KIF6: variants seen among roughly 807,000 people sequenced by gnomAD.
The protein encoded by KIF6 is kinesin family member 6.
KIF6 carries 106 observed loss-of-function variants against 112.7 expected under a neutral mutation model. The observed-to-expected ratio is 0.94, with a 90% confidence interval of 0.80 to 1.11. The LOEUF (loss-of-function observed/expected upper bound fraction) is 1.11. KIF6 is among the 50% of genes least tolerant of loss of function. The pLI, the probability that KIF6 is intolerant of heterozygous loss-of-function variation, is 0.00. For synonymous variants in KIF6, 339 were observed against 339.9 expected, an observed-to-expected ratio of 1.00 and a Z score of 0.03; for missense variants, 929 against 964.0, an observed-to-expected ratio of 0.96 and a Z score of 0.48.
chr6:39,474,392 G>T (rs1443596897), intron 13 of KIF6, among the ~76,000 whole-genome samples: 2 of 152,198 alleles, frequency 1.3e-5, no homozygotes, highest in Non-Finnish European at 2.9e-5. Flanking sequence ...CTATTCAGGG[G>T]TTAACATATT....
intron 13 of KIF6, among the ~76,000 whole-genome samples, chr6:39,498,140 A>C (rs1310755099): frequency 6.6e-6 from 1 of 152,108 alleles, no homozygotes; most frequent in Non-Finnish European, 1.5e-5. Context: ...ACAGAGACCA[A>C]AATTTTTCCT....
intron 3 of KIF6, among the ~76,000 whole-genome samples, chr6:39,680,845 T>C (rs1787468579): frequency 6.6e-6 from 1 of 152,070 alleles, no homozygotes; most frequent in Non-Finnish European, 1.5e-5. Flanking sequence ...TTTTATTAGG[T>C]AAAATAGGGA....
chr6:39,590,792 T>G (rs1349842627), intron 7 of KIF6, among the ~76,000 whole-genome samples: 1 of 152,186 alleles, frequency 6.6e-6, no homozygotes, highest in Non-Finnish European at 1.5e-5. Flanking sequence ...TAAACTTGCT[T>G]TTGGTTGCAA....
chr6:39,702,542 A>G (rs868825274), intron 3 of KIF6, among the ~76,000 whole-genome samples: 1 of 152,212 alleles, frequency 6.6e-6, no homozygotes, highest in Non-Finnish European at 1.5e-5. Context: ...ACAACTTAAT[A>G]TCTTTCATTT....
intron 15 of KIF6, among the ~76,000 whole-genome samples, chr6:39,394,584 G>C (rs1177718939): frequency 6.6e-6 from 1 of 152,178 alleles, no homozygotes; most frequent in Non-Finnish European, 1.5e-5. Flanking sequence ...CCAGGGGTGG[G>C]GGCACCTCTG....
At chr6:39,711,031 A>G (rs935324581) in intron 3 of KIF6, among the ~76,000 whole-genome samples, 1 of 151,612 alleles carries the variant, frequency 6.6e-6, no homozygotes, top group African/African-American at 2.4e-5. Flanking sequence ...TGTCTCAAAA[A>G]CTAAAAATTA....
At chr6:39,679,443 C>T (rs1787372116) in intron 3 of KIF6, among the ~76,000 whole-genome samples, 1 of 152,104 alleles carries the variant, frequency 6.6e-6, no homozygotes, top group Non-Finnish European at 1.5e-5. Flanking sequence ...ACAGAGGAGT[C>T]ATCTGTCCAG....
chr6:39,537,501 A>G (rs1333545363), intron 13 of KIF6, among the ~76,000 whole-genome samples: 2 of 151,866 alleles, frequency 1.3e-5, no homozygotes, highest in Non-Finnish European at 2.9e-5. Context: ...TAGGAATCCA[A>G]CTTACAAGGG....
intron 2 of KIF6, among the ~76,000 whole-genome samples, chr6:39,716,027 G>C (rs1053482293): frequency 6.6e-6 from 1 of 152,044 alleles, no homozygotes; most frequent in African/African-American, 2.4e-5. Context: ...TTTATCAGAT[G>C]GGTGATGACT....
intron 6 of KIF6, among the ~76,000 whole-genome samples, chr6:39,609,607 C>T (rs185689169): frequency 1.3e-5 from 2 of 152,230 alleles, no homozygotes; most frequent in East Asian, 3.9e-4. Flanking sequence ...TGAACAAAAA[C>T]AGAAATGCAA....
chr6:39,495,478 T>C (rs1440193419), intron 13 of KIF6, among the ~76,000 whole-genome samples: 1 of 152,142 alleles, frequency 6.6e-6, no homozygotes, highest in African/African-American at 2.4e-5. Context: ...ATTGCCATCT[T>C]AATATGTGGT....
At chr6:39,479,484 G>T (rs1171962974) in intron 13 of KIF6, among the ~76,000 whole-genome samples, 1 of 152,100 alleles carries the variant, frequency 6.6e-6, no homozygotes. Context: ...GTACCATGCT[G>T]TTTTGGTGAC....
At chr6:39,454,939 G>T (rs1028962889) in intron 13 of KIF6, among the ~76,000 whole-genome samples, 2 of 152,080 alleles carry the variant, frequency 1.3e-5, no homozygotes, top group Admixed American at 1.3e-4. Context: ...AGCGAGGCTG[G>T]GGGAGGGGCG....
intron 13 of KIF6, among the ~76,000 whole-genome samples, chr6:39,488,713 C>T (rs957104436): frequency 5.3e-5 from 8 of 152,170 alleles, no homozygotes; most frequent in Non-Finnish European, 4.4e-5. Flanking sequence ...TGTACATATT[C>T]CTACTAGAGA....
intron 14 of KIF6, among the ~76,000 whole-genome samples, chr6:39,424,397 A>C (rs1770612886): frequency 1.3e-5 from 2 of 152,168 alleles, no homozygotes; most frequent in Admixed American, 6.5e-5. Context: ...TTCCCTTTCA[A>C]TATGGTAAGC....
chr6:39,369,373 C>A (rs1765798660), intron 16 of KIF6, among the ~76,000 whole-genome samples: 1 of 152,154 alleles, frequency 6.6e-6, no homozygotes, highest in African/African-American at 2.4e-5. Flanking sequence ...GCACACTCAC[C>A]CCCACTGCCA....
intron 5 of KIF6, among the ~76,000 whole-genome samples, chr6:39,617,249 T>C (rs1783569382): frequency 6.6e-6 from 1 of 150,562 alleles, no homozygotes; most frequent in Admixed American, 6.6e-5. Context: ...GTTTTCTCTG[T>C]AAACAGAGAA....
chr6:39,399,349 A>T (rs1020757646), intron 15 of KIF6, among the ~76,000 whole-genome samples: 2 of 152,190 alleles, frequency 1.3e-5, no homozygotes, highest in Non-Finnish European at 2.9e-5. Flanking sequence ...GGAGACTTTC[A>T]TCCAGGTACT....
chr6:39,445,675 G>A (rs188961783), intron 13 of KIF6, among the ~76,000 whole-genome samples: 1 of 152,330 alleles, frequency 6.6e-6, no homozygotes, highest in East Asian at 1.9e-4. Context: ...GAAGCGGGTG[G>A]TCAGATTGCA....
Sources: gnomAD v4.1 joint callset for allele counts (sites outside exome capture counted in the v4.1 genomes callset) on GRCh38, gnomAD v4.1.1 for gene constraint, MANE v1.5 for transcripts, NCBI Gene and HGNC (gene_info 2026-07-23, HGNC 2026-07-21) for gene names.